Variants in EZH2 observed in about 807,000 individuals in gnomAD.
EZH2 encodes the protein histone-lysine N-methyltransferase EZH2.
EZH2 carries 18 observed loss-of-function variants against 98.4 expected under a neutral mutation model. The ratio of observed to expected loss-of-function variants is 0.18; its 90% CI spans 0.13 to 0.27. The LOEUF (loss-of-function observed/expected upper bound fraction) is 0.27, where lower values mean the gene tolerates loss of function less well. Among genes scored for constraint, EZH2 ranks in the 10% least tolerant of loss-of-function variants. EZH2 has a pLI of 1.00. For synonymous variants in EZH2, 338 were observed against 312.3 expected (o/e 1.08, Z -0.87); for missense variants, 470 against 935.1 (o/e 0.50, Z 6.49).
chr7:148,819,863 T>C (rs910827282), intron 8 of EZH2, among the ~76,000 whole-genome samples, 176 bp from the exon 9 acceptor site: 1 of 152,208 alleles, frequency 6.6e-6, no homozygotes. Context: ...GTATTCTCCA[T>C]TCCTCCTCCT....
chr7:148,836,997 T>A (rs1362588674), intron 3 of EZH2: 2 of 496,292 alleles, frequency 4.0e-6, no homozygotes, highest in Non-Finnish European at 8.0e-6. Flanking sequence ...AGCAGGTGAA[T>A]GGCCTGCAGG....
rs1362489179 is a variant in EZH2, at chr7:148,880,167, G to A, written c.-8+3997C>T. Among the ~76,000 whole-genome samples, 3 of 152,128 alleles carry A rather than the reference G, an allele frequency of 2.0e-5. No individual in the cohort carries two copies. In the East Asian group the frequency reaches 5.8e-4, roughly 29 times the overall value. On this transcript the variant is annotated intron_variant, in intron 1 of 19. Coordinates refer to ENST00000320356, the MANE Select transcript of EZH2 (RefSeq NM_004456.5). ...TTGTCATATTTTTATACCAAGTAGT[G>A]GAACAGTGGCAAGATATGGAATGGT...
chr7:148,850,501 A>T (rs907321470), intron 1 of EZH2: 3 of 912,986 alleles, frequency 3.3e-6, no homozygotes, highest in Non-Finnish European at 3.9e-6. Context: ...TAGTTCTTTG[A>T]AAGTGTAAGA....
chr7:148,836,252 G>C (rs188223432), intron 3 of EZH2, among the ~76,000 whole-genome samples: 2 of 152,202 alleles, frequency 1.3e-5, no homozygotes, highest in Non-Finnish European at 2.9e-5. Context: ...CAAGCTAAGA[G>C]AGCACCTATT....
At chr7:148,856,078 T>C (rs1816794049) in intron 1 of EZH2, among the ~76,000 whole-genome samples, 1 of 152,050 alleles carries the variant, frequency 6.6e-6, no homozygotes, top group African/African-American at 2.4e-5. Context: ...CAGGATAGAA[T>C]GCAAACTATA....
chr7:148,812,705 G>C (rs569087027), intron 15 of EZH2, among the ~76,000 whole-genome samples: 2 of 151,126 alleles, frequency 1.3e-5, no homozygotes, highest in Non-Finnish European at 2.9e-5. Context: ...AAGTTGTTTG[G>C]GGGGGAAATT....
intron 1 of EZH2, among the ~76,000 whole-genome samples, chr7:148,873,979 T>C (rs1332721118): frequency 6.6e-6 from 1 of 152,102 alleles, no homozygotes; most frequent in Non-Finnish European, 1.5e-5. Flanking sequence ...CATGTTGAGA[T>C]GCTAAAATAA....
At chr7:148,866,927 T>C (rs1818636775) in intron 1 of EZH2, among the ~76,000 whole-genome samples, 2 of 147,992 alleles carry the variant, frequency 1.4e-5, no homozygotes, top group South Asian at 4.6e-4. Flanking sequence ...TTGGCCAGGC[T>C]GGTCTCGAAC....
intron 8 of EZH2, among the ~76,000 whole-genome samples, chr7:148,821,734 G>A (rs1192137305): frequency 6.6e-6 from 1 of 152,226 alleles, no homozygotes; most frequent in Non-Finnish European, 1.5e-5. Context: ...GCTGAGATAG[G>A]AGAAGAGCTT....
rs1159824250 is a variant in EZH2 at position 148,846,451 on chromosome 7, A to G, written c.246+19T>C. ...CCAAAAGATGATGATAATTACTACA[A>G]CATGTTATGTTAACCAACCTCCCTA... On this transcript the variant is annotated intron_variant, in intron 3 of 19. Coordinates refer to ENST00000320356, the MANE Select transcript of EZH2 (RefSeq NM_004456.5). The G allele has an allele frequency of 1.2e-6, 2 of 1,603,542 alleles. No homozygotes were observed. The highest frequency in any genetic ancestry group is 3.4e-5 in the Admixed American group (2 of 58,354).
At chr7:148,811,026 C>T (rs1370548886) in intron 16 of EZH2, among the ~76,000 whole-genome samples, 1 of 151,990 alleles carries the variant, frequency 6.6e-6, no homozygotes, top group Non-Finnish European at 1.5e-5. Context: ...TTTCTAGGTC[C>T]TTATCAACTA....
At chr7:148,831,452 G>GT (rs1238405203) in intron 4 of EZH2, among the ~76,000 whole-genome samples, 1 of 152,096 alleles carries the variant, frequency 6.6e-6, no homozygotes, top group Non-Finnish European at 1.5e-5. Context: ...TCTCCAAAAC[G>GT]TATCTTAGTT....
At chr7:148,817,640 G>A in intron 10 of EZH2, 1 of 667,512 alleles carries the variant, frequency 1.5e-6, no homozygotes. Flanking sequence ...ATGGCACAAA[G>A]AATGAGAATA....
intron 1 of EZH2, chr7:148,876,292 G>C (rs776961741): frequency 1.4e-5 from 2 of 144,756 alleles, no homozygotes; most frequent in Non-Finnish European, 3.0e-5. Context: ...ATCTTGGAGG[G>C]AAAAAAAAAA....
chr7:148,884,218 C>T lies in EZH2; in HGVS notation c.-62G>A. ...CCCGCGCGTCGCCCCCGCGCGCCGC[C>T]GCCGCCGCCGCCGGGGCTCCACTGC... On this transcript the variant is annotated 5_prime_UTR_variant, in exon 1 of 20. Coordinates refer to ENST00000320356, the MANE Select transcript of EZH2 (RefSeq NM_004456.5). The T allele has an allele frequency of 5.8e-6, 1 of 173,360 alleles. No individual in the cohort carries two copies. The highest frequency in any genetic ancestry group is 1.2e-5 in the Non-Finnish European group (1 of 80,298). The allele number at this position is 173,360 out of a possible 1,614,324, so 10.7% of individuals were successfully genotyped here.
intron 1 of EZH2, among the ~76,000 whole-genome samples, chr7:148,858,291 C>CAAA (rs71529642): frequency 1.4e-5 from 2 of 144,634 alleles, no homozygotes; most frequent in African/African-American, 5.2e-5. Flanking sequence ...GACTCTGTCT[C>CAAA]AAAAAAAAAA....
intron 3 of EZH2, among the ~76,000 whole-genome samples, chr7:148,838,863 G>C (rs1811593338): frequency 6.6e-6 from 1 of 152,260 alleles, no homozygotes. Flanking sequence ...GACCAGCCTA[G>C]CCAACATGGT....
At chr7:148,879,800 C>A (rs979125060) in intron 1 of EZH2, among the ~76,000 whole-genome samples, 6 of 151,506 alleles carry the variant, frequency 4.0e-5, no homozygotes, top group Non-Finnish European at 1.5e-5. Context: ...TTCGAGACTC[C>A]GTCTCAAAAA....
chr7:148,826,983 T>G (rs1807896900), intron 7 of EZH2, among the ~76,000 whole-genome samples, 181 bp downstream of exon 7: 1 of 152,238 alleles, frequency 6.6e-6, no homozygotes, highest in Non-Finnish European at 1.5e-5. Flanking sequence ...ATTTATTCTA[T>G]CTACAGGAAA....
Sources: gnomAD v4.1 joint callset for allele counts (sites outside exome capture counted in the v4.1 genomes callset) on GRCh38, gnomAD v4.1.1 for gene constraint, MANE v1.5 for transcripts, NCBI Gene and HGNC (gene_info 2026-07-23, HGNC 2026-07-21) for gene names.